PCDHGB1: variants seen among roughly 807,000 people sequenced by gnomAD.
The protein encoded by PCDHGB1 is protocadherin gamma-B1.
In PCDHGB1, 34 loss-of-function variants were observed where a neutral mutation model predicts 56.6. The ratio of observed to expected loss-of-function variants is 0.60; its 90% CI spans 0.46 to 0.80. The LOEUF (loss-of-function observed/expected upper bound fraction) is 0.80, where lower values mean the gene tolerates loss of function less well. Ranked by LOEUF, PCDHGB1 falls within the 30% of genes least tolerant of loss-of-function variation. The probability of loss-of-function intolerance (pLI) is 0.00; values close to 1 mark genes in which losing one functional copy is unlikely to be tolerated. For missense variants in PCDHGB1, 1,278 were observed against 1,204.6 expected, an observed-to-expected ratio of 1.06 and a Z score of -0.90; for synonymous variants, 561 against 505.9, an observed-to-expected ratio of 1.11 and a Z score of -1.46.
chr5:141,442,898 TCTC>T (rs1427810429), intron 1 of PCDHGB1, among the ~76,000 whole-genome samples: 14 of 152,222 alleles, frequency 9.2e-5, no homozygotes, highest in Admixed American at 9.2e-4. Context: ...GCTTATCACT[TCTC>T]CTTCAGCACA....
intron 1 of PCDHGB1, among the ~76,000 whole-genome samples, chr5:141,451,854 C>T (rs1243479409): frequency 6.6e-6 from 1 of 152,058 alleles, no homozygotes; most frequent in Non-Finnish European, 1.5e-5. Flanking sequence ...CCACTCCAGC[C>T]TAGGCCACAG....
intron 1 of PCDHGB1, chr5:141,408,283 C>G (rs62378453): frequency 0.09 from 144,952 of 1,612,732 alleles, 7,152 homozygotes; most frequent in African/African-American, 0.18. Flanking sequence ...TGTTCTACCC[C>G]ACCCTGAGTG....
intron 1 of PCDHGB1, chr5:141,371,334 A>G (rs1767674983): frequency 3.1e-6 from 5 of 1,613,888 alleles, no homozygotes; most frequent in Non-Finnish European, 4.2e-6. Context: ...AGAGAGAGAT[A>G]GCTACACAAT....
At chr5:141,500,315 G>C (rs944076867) in intron 2 of PCDHGB1, among the ~76,000 whole-genome samples, 41 of 151,522 alleles carry the variant, frequency 2.7e-4, no homozygotes, top group African/African-American at 9.5e-4. Flanking sequence ...TTCACGCCAT[G>C]CTCCTGCCTC....
Position 141,493,554 on chromosome 5 carries a change from G to A in PCDHGB1, c.2410-1253G>A, listed in dbSNP as rs2099748882. The stretch of plus-strand genomic sequence containing the variant: ...GGCCAGTTATCCTTTTGGAGATTGA[G>A]TTCCCCCAGCTCCGTTTCCTCCTAT... On this transcript the variant is annotated intron_variant, in intron 1 of 3. Coordinates refer to ENST00000523390, the MANE Select transcript of PCDHGB1 (RefSeq NM_018922.3). The surrounding 1 kb of genome is among the most constrained non-coding windows in gnomAD (Gnocchi z 4.3). 6.6e-6 allele frequency among the ~76,000 whole-genome samples: 1 copy of A among 152,166 alleles called. No homozygotes were observed. Among genetic ancestry groups the A allele is most frequent in the Admixed American group, 6.5e-5 (1 of 15,282 alleles).
At chr5:141,433,208 C>T (rs780155661) in intron 1 of PCDHGB1, 90 of 1,293,816 alleles carry the variant, frequency 7.0e-5, no homozygotes, top group Middle Eastern at 5.9e-4. Flanking sequence ...AATCTTCTTT[C>T]TTTTTTTTTT....
chr5:141,430,881 A>G, intron 1 of PCDHGB1: 4 of 1,600,896 alleles, frequency 2.5e-6, no homozygotes, highest in Non-Finnish European at 3.4e-6. Flanking sequence ...GAGCTGGAGA[A>G]AGGCTCTAGG....
At chr5:141,404,495 T>A in intron 1 of PCDHGB1, 1 of 1,613,920 alleles carries the variant, frequency 6.2e-7, no homozygotes, top group South Asian at 1.1e-5. Context: ...TGGTGTGCTG[T>A]ATGCTCTGTG....
At chr5:141,406,346 G>T (rs1296474677) in intron 1 of PCDHGB1, among the ~76,000 whole-genome samples, 2 of 152,092 alleles carry the variant, frequency 1.3e-5, no homozygotes, top group Non-Finnish European at 2.9e-5. Flanking sequence ...ATTTATTCAG[G>T]TCATACTATG....
intron 1 of PCDHGB1, chr5:141,392,285 A>G (rs554377698): frequency 6.6e-6 from 1 of 152,312 alleles, no homozygotes; most frequent in East Asian, 1.9e-4. Flanking sequence ...TTAGAGCACA[A>G]TGGGAAATGA....
At chr5:141,403,092 A>C in intron 1 of PCDHGB1, 4 of 1,614,086 alleles carry the variant, frequency 2.5e-6, no homozygotes, top group Non-Finnish European at 3.4e-6. Flanking sequence ...ATTGTGGGCA[A>C]CATCTCCAAG....
In PCDHGB1 at chr5:141,409,983, T is replaced by C. The variant is rs1481655663; in HGVS notation, c.2409+57314T>C. The C allele has an allele frequency of 1.2e-6, 2 of 1,613,160 alleles. No individual in the cohort carries two copies. Among genetic ancestry groups the C allele is most frequent in the African/African-American group, 2.7e-5 (2 of 74,914 alleles). On this transcript the variant is annotated intron_variant, in intron 1 of 3. Coordinates refer to ENST00000523390, the MANE Select transcript of PCDHGB1 (RefSeq NM_018922.3). ...TACCTAGTGACTAAGGTGGTAGCGG[T>C]GGACGCCGACTCGGGACACAACGCC... is the stretch of plus-strand genomic sequence containing the variant.
At chr5:141,377,665 G>A (rs1040007479) in intron 1 of PCDHGB1, 1 of 151,618 alleles carries the variant, frequency 6.6e-6, no homozygotes, top group Non-Finnish European at 1.5e-5. Flanking sequence ...AACGACAGAC[G>A]TTCATACAAG....
At chr5:141,419,717 G>A (rs1159633605) in intron 1 of PCDHGB1, 3 of 1,613,236 alleles carry the variant, frequency 1.9e-6, no homozygotes, top group Non-Finnish European at 2.5e-6. Flanking sequence ...CTTCAGCCTG[G>A]GGCTGCGAAC....
At position 141,431,790 on chromosome 5, in the gene PCDHGB1, C is replaced by G; in HGVS notation, c.2410-63017C>G. ...ACTGTTCTGGACGTGAACGACAATG[C>G]CCCAGAAGTGGTCCTCACCTCTCTC... On this transcript the variant is annotated intron_variant, in intron 1 of 3. Coordinates refer to ENST00000523390, the MANE Select transcript of PCDHGB1 (RefSeq NM_018922.3). The surrounding 1 kb of genome is among the most constrained non-coding windows in gnomAD (Gnocchi z 4.8). 1 of 1,614,186 alleles carries G rather than the reference C, an allele frequency of 6.2e-7. No homozygotes were observed. Among genetic ancestry groups the G allele is most frequent in the Non-Finnish European group, 8.5e-7 (1 of 1,180,016 alleles).
chr5:141,490,960 T>C lies in PCDHGB1; in HGVS notation c.2410-3847T>C. 1.9e-6 allele frequency: 3 copies of C among 1,613,794 alleles called. No homozygotes were observed. The highest frequency in any genetic ancestry group is 2.2e-5 in the South Asian group (2 of 91,030). On this transcript the variant is annotated intron_variant, in intron 1 of 3. Transcript: ENST00000523390. The surrounding 1 kb of genome is among the most constrained non-coding windows in gnomAD (Gnocchi z 5.4). ...GCACCCACGGCCAGACTGGGAACACTCAGCCCCCCAGCGTCTCCCTCGCTC... is the reference window on the plus strand; with the variant it reads ...GCACCCACGGCCAGACTGGGAACACCCAGCCCCCCAGCGTCTCCCTCGCTC...
chr5:141,366,156 T>G, intron 1 of PCDHGB1: 2 of 1,614,138 alleles, frequency 1.2e-6, no homozygotes, highest in African/African-American at 1.3e-5. Context: ...TACCGCCTGC[T>G]TAAGGCCAGC....
chr5:141,444,410 A>G (rs2098435910), intron 1 of PCDHGB1, among the ~76,000 whole-genome samples: 1 of 151,922 alleles, frequency 6.6e-6, no homozygotes, highest in African/African-American at 2.4e-5. Flanking sequence ...ACCTCAGGTG[A>G]TCTTCCCTCC....
rs765661515 is a variant in PCDHGB1 at position 141,398,665 on chromosome 5, T to C, written c.2409+45996T>C. The stretch of plus-strand genomic sequence containing the variant: ...ACTCTCTCTTAACCCAAGTTTCTCA[T>C]TAATAATTAAGGAGAAACAGGATGG... On this transcript the variant is annotated intron_variant, in intron 1 of 3. Transcript: ENST00000523390. 1.9e-6 allele frequency: 3 copies of C among 1,614,002 alleles called. No homozygotes were observed. In the South Asian group the frequency reaches 3.3e-5, roughly 18 times the overall value.
Sources: allele counts gnomAD v4.1 joint callset (sites outside exome capture counted in the v4.1 genomes callset), GRCh38; gene constraint gnomAD v4.1.1; non-coding constraint Gnocchi (gnomAD v3.1); transcripts MANE v1.5; gene names NCBI Gene and HGNC (gene_info 2026-07-23, HGNC 2026-07-21).